Variants in PKIB observed in about 807,000 individuals in gnomAD.
The protein encoded by PKIB is cAMP-dependent protein kinase inhibitor beta.
In PKIB, 2 loss-of-function variants were observed where a neutral mutation model predicts 4.5. The ratio of observed to expected loss-of-function variants is 0.44; its 90% CI spans 0.18 to 1.39. The LOEUF (loss-of-function observed/expected upper bound fraction) is 1.39. Among genes scored for constraint, PKIB ranks in the 40% most tolerant of loss-of-function variants. PKIB has a pLI of 0.27. For missense variants in PKIB, 94 were observed against 92.6 expected (o/e 1.02, Z -0.06); for synonymous variants, 38 against 36.0 (o/e 1.06, Z -0.20).
chr6:122,483,619 T>C (rs1048896566), intron 2 of PKIB: 5 of 152,230 alleles, frequency 3.3e-5, no homozygotes, highest in Non-Finnish European at 5.9e-5. Context: ...CTTGGACTTA[T>C]ATAGGATTTC....
chr6:122,672,679 CTATT>C (rs1777514681), intron 2 of PKIB, among the ~76,000 whole-genome samples: 1 of 151,756 alleles, frequency 6.6e-6, no homozygotes, highest in Admixed American at 6.6e-5. Context: ...CTAATTATAT[CTATT>C]TATATTTTAT....
At position 122,508,951 on chromosome 6, in the gene PKIB, G is replaced by A. The variant is rs562803381; in HGVS notation, c.-248+31012G>A. On this transcript the variant is annotated intron_variant, in intron 2 of 6. Transcript: ENST00000392491. ...TTTTTAGTAGAGACGGGGTTTCACC[G>A]TGTTAGCCAGGATGGTCTTGATCTC... Among the ~76,000 whole-genome samples the A allele has an allele frequency of 1.2e-4, 19 of 152,112 alleles. No individual in the cohort carries two copies. The East Asian group carries it at 2.1e-3, about 17-fold the overall frequency.
intron 3 of PKIB, among the ~76,000 whole-genome samples, chr6:122,598,943 G>A (rs892832993): frequency 6.6e-6 from 1 of 152,098 alleles, no homozygotes; most frequent in East Asian, 1.9e-4. Flanking sequence ...CCATTCCCAT[G>A]CCTGTTCTCC....
At chr6:122,609,729 C>T (rs924998033), upstream of PKIB, among the ~76,000 whole-genome samples, 1 of 152,192 alleles carries the variant, frequency 6.6e-6, no homozygotes, top group Non-Finnish European at 1.5e-5. Flanking sequence ...TGTAATATGG[C>T]TTTTAAAAAG....
At chr6:122,561,454 C>T (rs749916639) in intron 2 of PKIB, among the ~76,000 whole-genome samples, 1 of 151,754 alleles carries the variant, frequency 6.6e-6, no homozygotes, top group Non-Finnish European at 1.5e-5. Flanking sequence ...TATTGAGGCT[C>T]ATTTTTGGCC....
chr6:122,471,971 C>T, exon 1 of PKIB: 1 of 990,394 alleles, frequency 1.0e-6, no homozygotes, highest in African/African-American at 1.6e-5. Flanking sequence ...TGGAGAATTT[C>T]TCAAGGACTG....
intron 2 of PKIB, among the ~76,000 whole-genome samples, chr6:122,659,026 G>A (rs1776885388): frequency 6.6e-6 from 1 of 151,646 alleles, no homozygotes; most frequent in African/African-American, 2.4e-5. Context: ...CTTTTCATAA[G>A]GAATGAAAAC....
At chr6:122,695,743 G>A (rs1403350988) in intron 3 of PKIB, among the ~76,000 whole-genome samples, 1 of 152,078 alleles carries the variant, frequency 6.6e-6, no homozygotes, top group Non-Finnish European at 1.5e-5. Flanking sequence ...TAAAATCCAT[G>A]TTTTGGAATC....
At chr6:122,638,557 C>G (rs986767073) in intron 2 of PKIB, among the ~76,000 whole-genome samples, 2 of 152,210 alleles carry the variant, frequency 1.3e-5, no homozygotes, top group Non-Finnish European at 1.5e-5. Flanking sequence ...GGAATCTGCT[C>G]CCCAACCTGT....
At chr6:122,703,237 T>G (rs757078000) in intron 3 of PKIB, among the ~76,000 whole-genome samples, 1 of 152,184 alleles carries the variant, frequency 6.6e-6, no homozygotes. Flanking sequence ...GTAAAAAATT[T>G]TTATAGCCTT....
chr6:122,661,821 C>T (rs1038456828), intron 2 of PKIB, among the ~76,000 whole-genome samples: 1 of 152,128 alleles, frequency 6.6e-6, no homozygotes, highest in African/African-American at 2.4e-5. Context: ...CCAGCAGTGA[C>T]GAAGCCTTCC....
intron 3 of PKIB, among the ~76,000 whole-genome samples, chr6:122,592,664 G>A (rs534346212): frequency 6.6e-6 from 1 of 152,308 alleles, no homozygotes; most frequent in Non-Finnish European, 1.5e-5. Flanking sequence ...ATGGTGCAAA[G>A]ATGAAAGCCA....
intron 2 of PKIB, among the ~76,000 whole-genome samples, chr6:122,662,028 A>G (rs936043785): frequency 4.6e-5 from 7 of 152,122 alleles, no homozygotes; most frequent in African/African-American, 1.7e-4. Context: ...TTCACTGGCC[A>G]TATTCTAAAT....
intron 2 of PKIB, among the ~76,000 whole-genome samples, chr6:122,637,276 A>AT (rs1775952992): frequency 6.6e-6 from 1 of 152,124 alleles, no homozygotes; most frequent in African/African-American, 2.4e-5. Flanking sequence ...CTTTTTCTTG[A>AT]TTTTTTGAGG....
intron 2 of PKIB, among the ~76,000 whole-genome samples, chr6:122,513,862 T>C (rs1228976667): frequency 6.6e-6 from 1 of 152,238 alleles, no homozygotes; most frequent in African/African-American, 2.4e-5. Flanking sequence ...CACCACATTT[T>C]CTTTATCCGT....
At chr6:122,490,634 T>A (rs1415838997) in intron 2 of PKIB, among the ~76,000 whole-genome samples, 4 of 152,206 alleles carry the variant, frequency 2.6e-5, no homozygotes. Flanking sequence ...ATGTGGCATA[T>A]TGGCTACCCT....
intron 2 of PKIB, among the ~76,000 whole-genome samples, chr6:122,489,572 T>C (rs987907421): frequency 3.3e-5 from 5 of 152,268 alleles, no homozygotes; most frequent in African/African-American, 1.2e-4. Flanking sequence ...TTCTCTCCTT[T>C]TAAAATACTA....
intron 3 of PKIB, among the ~76,000 whole-genome samples, chr6:122,685,492 A>T (rs1778058669): frequency 6.6e-6 from 1 of 152,152 alleles, no homozygotes; most frequent in African/African-American, 2.4e-5. Context: ...CTAGCTTTTT[A>T]AAATTAATTA....
chr6:122,561,178 G>A (rs1773001244), intron 2 of PKIB, among the ~76,000 whole-genome samples: 1 of 151,808 alleles, frequency 6.6e-6, no homozygotes, highest in African/African-American at 2.4e-5. Context: ...AGGCGCTTAG[G>A]GCTATGTACT....
Sources: gnomAD v4.1 joint callset for allele counts (sites outside exome capture counted in the v4.1 genomes callset) on GRCh38, gnomAD v4.1.1 for gene constraint, MANE v1.5 for transcripts, NCBI Gene and HGNC (gene_info 2026-07-23, HGNC 2026-07-21) for gene names.